The following COL26A1 variants were observed in gnomAD, a reference collection of about 807,000 sequenced individuals.
The protein encoded by COL26A1 is collagen type XXVI alpha 1 chain.
A neutral mutation model predicts 59.3 loss-of-function variants in COL26A1; 41 were observed. That is an observed-to-expected ratio of 0.69 (90% confidence interval 0.54 to 0.90). The LOEUF (loss-of-function observed/expected upper bound fraction) is 0.90. Ranked by LOEUF, COL26A1 falls within the 40% of genes least tolerant of loss-of-function variation. COL26A1 has a pLI of 0.00. For missense variants in COL26A1, 612 were observed against 602.3 expected, an observed-to-expected ratio of 1.02 and a Z score of -0.17; for synonymous variants, 266 against 256.0, an observed-to-expected ratio of 1.04 and a Z score of -0.37.
intron 1 of COL26A1, among the ~76,000 whole-genome samples, chr7:101,376,096 C>T (rs997087460): frequency 5.5e-5 from 8 of 145,704 alleles, no homozygotes; most frequent in African/African-American, 2.1e-4. Flanking sequence ...AGCCCAGAAG[C>T]ATGAGCCCAG....
At chr7:101,546,375 T>C (rs6967104) in intron 7 of COL26A1, among the ~76,000 whole-genome samples, 67,978 of 151,548 alleles carry the variant, frequency 0.45, 16,252 homozygotes, top group African/African-American at 0.6. Flanking sequence ...GCTAGGACCC[T>C]AGGCATGTAT....
chr7:101,363,165 C>A lies in COL26A1; in HGVS notation c.133C>A (p.Pro45Thr), dbSNP rs1351014724. The change falls in exon 1 of 13, where the codon CCT becomes ACT. Residue 45 changes from proline to threonine, a missense_variant. Physicochemically the swap from Pro to Thr is conservative, Grantham distance 38. Transcript: ENST00000313669. ...HGYPEPGAGS[P>T]GSGYASRRHW... ...CTACCCCGAGCCCGGCGCCGGCTCC[C>A]CTGGCAGCGGCTACGCGAGCCGCCG... 6.0e-6 allele frequency: 9 copies of A among 1,507,556 alleles called. No individual in the cohort carries two copies. The highest frequency in any genetic ancestry group is 4.9e-5 in the South Asian group (4 of 81,342). 93.4% of individuals were successfully genotyped at this position (1,507,556 alleles called of 1,614,324 possible).
chr7:101,403,894 G>A (rs992822065), intron 1 of COL26A1, among the ~76,000 whole-genome samples: 1 of 152,080 alleles, frequency 6.6e-6, no homozygotes, highest in African/African-American at 2.4e-5. Context: ...TCAGGAGTTC[G>A]AGACCAGCCT....
chr7:101,534,672 CACACAT>C lies in COL26A1; in HGVS notation c.447+1530_447+1535del, dbSNP rs1187097962. Among the ~76,000 whole-genome samples the C allele has an allele frequency of 3.6e-3, 551 of 151,716 alleles. 3 individuals carry two copies. The highest frequency in any genetic ancestry group is 0.012 in the African/African-American group (501 of 41,074). On this transcript the variant is annotated intron_variant, in intron 4 of 12. Coordinates refer to ENST00000313669, the MANE Select transcript of COL26A1 (RefSeq NM_001278563.3). ...ATACATATACACACACACACACACA[CACACAT>C]GACACAACTGTGCACACATTAACAC...
chr7:101,428,407 A>G (rs1792698942), intron 2 of COL26A1, among the ~76,000 whole-genome samples: 1 of 151,818 alleles, frequency 6.6e-6, no homozygotes, highest in Non-Finnish European at 1.5e-5. Flanking sequence ...GAGAATGGGC[A>G]TTGCAACGGG....
At chr7:101,417,040 C>T (rs62463402) in intron 1 of COL26A1, among the ~76,000 whole-genome samples, 25,885 of 151,974 alleles carry the variant, frequency 0.17, 2,758 homozygotes, top group Non-Finnish European at 0.24. Flanking sequence ...CCATGCCTGG[C>T]CAGAATTTTT....
intron 12 of COL26A1, 144 bp downstream of exon 12, chr7:101,556,015 C>T (rs1369170360): frequency 7.6e-6 from 5 of 654,464 alleles, no homozygotes; most frequent in Non-Finnish European, 1.3e-5. Context: ...CTCAAGGACC[C>T]TCAGTGGCTC....
At chr7:101,492,898 C>A (rs921064407) in intron 3 of COL26A1, among the ~76,000 whole-genome samples, 3 of 151,670 alleles carry the variant, frequency 2.0e-5, no homozygotes, top group Non-Finnish European at 4.4e-5. Flanking sequence ...CACCACCACG[C>A]CCAGCTAATT....
rs10690062 is a variant in COL26A1 at position 101,455,503 on chromosome 7, C to CTTTTTTTTTTTTTTT, written c.385+7719_385+7733dup. On this transcript the variant is annotated intron_variant, in intron 3 of 12. Transcript: ENST00000313669. ...CTGTTTGGTAAGTTTCTTTTCTTTT[C>CTTTTTTTTTTTTTTT]TTTTTTTTTTTTTTTTTGAGACTGA... Among the ~76,000 whole-genome samples, 4 of 116,568 alleles carry CTTTTTTTTTTTTTTT rather than the reference C, an allele frequency of 3.4e-5. 1 individual carries two copies. Among genetic ancestry groups the CTTTTTTTTTTTTTTT allele is most frequent in the African/African-American group, 1.0e-4 (3 of 29,224 alleles). The allele number at this position is 116,568 out of a possible 152,430, so 76.5% of individuals were successfully genotyped here. A position where few individuals can be genotyped will look rare whatever the true frequency, so the allele number is the denominator to read the frequency against.
At chr7:101,551,073 G>T in intron 9 of COL26A1, 35 bp from the exon 10 acceptor site, 1 of 1,551,694 alleles carries the variant, frequency 6.4e-7, no homozygotes, top group Non-Finnish European at 8.7e-7. Context: ...GGCCAGGACC[G>T]GCAGGCCTCA....
intron 1 of COL26A1, among the ~76,000 whole-genome samples, chr7:101,374,576 C>T (rs1389187974): frequency 6.6e-6 from 1 of 152,148 alleles, no homozygotes; most frequent in Non-Finnish European, 1.5e-5. Flanking sequence ...GTAAACTGCA[C>T]AGGCGAGGGA....
intron 3 of COL26A1, among the ~76,000 whole-genome samples, chr7:101,464,232 C>T (rs1242048253): frequency 6.6e-6 from 1 of 151,944 alleles, no homozygotes; most frequent in African/African-American, 2.4e-5. Context: ...TTCCAAACTG[C>T]TGGGATTACA....
At chr7:101,473,237 G>A (rs144208206) in intron 3 of COL26A1, among the ~76,000 whole-genome samples, 2,471 of 151,962 alleles carry the variant, frequency 0.016, 66 homozygotes, top group African/African-American at 0.057. Context: ...CCGCCACCAC[G>A]CCTGGCTAAT....
At chr7:101,460,696 G>T (rs961079183) in intron 3 of COL26A1, among the ~76,000 whole-genome samples, 1 of 151,888 alleles carries the variant, frequency 6.6e-6, no homozygotes, top group Non-Finnish European at 1.5e-5. Flanking sequence ...CAGAAGAATC[G>T]CTTGAACCCG....
intron 1 of COL26A1, among the ~76,000 whole-genome samples, chr7:101,401,900 G>C (rs543825528): frequency 9.2e-5 from 14 of 152,202 alleles, no homozygotes; most frequent in Admixed American, 2.0e-4. Flanking sequence ...TCGAAGCCAC[G>C]TTTCCTCTCT....
At chr7:101,406,365 G>A (rs1792129281) in intron 1 of COL26A1, among the ~76,000 whole-genome samples, 1 of 152,128 alleles carries the variant, frequency 6.6e-6, no homozygotes, top group African/African-American at 2.4e-5. Context: ...CTATTCCTAT[G>A]TGAACAAAAC....
chr7:101,451,872 G>GT (rs1405043469), intron 3 of COL26A1, among the ~76,000 whole-genome samples: 4 of 151,842 alleles, frequency 2.6e-5, no homozygotes, highest in African/African-American at 4.8e-5. Context: ...ACCCAGCTAT[G>GT]TTTTTTGTAT....
At chr7:101,507,004 TC>T (rs1191907877) in intron 3 of COL26A1, among the ~76,000 whole-genome samples, 2 of 150,966 alleles carry the variant, frequency 1.3e-5, no homozygotes, top group Non-Finnish European at 2.9e-5. Flanking sequence ...AACCTCCGCC[TC>T]CCGGGTTCAA....
chr7:101,461,958 G>A (rs1793623861), intron 3 of COL26A1, among the ~76,000 whole-genome samples: 1 of 151,380 alleles, frequency 6.6e-6, no homozygotes, highest in Non-Finnish European at 1.5e-5. Flanking sequence ...TTATGGTGAT[G>A]GTGAGTAGAG....
Sources: gnomAD v4.1 joint callset for allele counts (sites outside exome capture counted in the v4.1 genomes callset) on GRCh38, gnomAD v4.1.1 for gene constraint, MANE v1.5 for transcripts, NCBI Gene and HGNC (gene_info 2026-07-23, HGNC 2026-07-21) for gene names.